ZNF610: variants seen among roughly 807,000 people sequenced by gnomAD.
ZNF610 encodes the protein zinc finger protein 610, also known as zink finger protein.
In ZNF610, 14 loss-of-function variants were observed where a neutral mutation model predicts 14.1. The observed-to-expected ratio is 0.99, with a 90% CI of 0.65 to 1.55. The LOEUF (loss-of-function observed/expected upper bound fraction) is 1.55. Ranked by LOEUF, ZNF610 falls within the 40% of genes most tolerant of loss-of-function variation. The pLI, the probability that ZNF610 is intolerant of heterozygous loss-of-function variation, is 0.00. For missense variants in ZNF610, 530 were observed against 558.0 expected (o/e 0.95, Z 0.51); for synonymous variants, 185 against 187.6 (o/e 0.99, Z 0.11).
At chr19:52,337,347 G>C (rs1011950082) in intron 1 of ZNF610, among the ~76,000 whole-genome samples, 4 of 152,126 alleles carry the variant, frequency 2.6e-5, no homozygotes, top group Admixed American at 6.5e-5. Context: ...GTGTAGCAGG[G>C]AAGAGGAAAT....
intron 1 of ZNF610, chr19:52,347,363 C>T (rs1195203421): frequency 2.0e-5 from 3 of 152,108 alleles, no homozygotes; most frequent in Admixed American, 1.3e-4. Context: ...TATTTTTGTA[C>T]AGCTATATAA....
intron 1 of ZNF610, among the ~76,000 whole-genome samples, chr19:52,341,884 C>T (rs1448383435): frequency 6.6e-6 from 1 of 152,210 alleles, no homozygotes; most frequent in Non-Finnish European, 1.5e-5. Context: ...AATCACAGCT[C>T]ACTGCAACCT....
chr19:52,350,282 C>A (rs1447005497), intron 3 of ZNF610, among the ~76,000 whole-genome samples: 2 of 152,250 alleles, frequency 1.3e-5, no homozygotes, highest in African/African-American at 4.8e-5. Flanking sequence ...GAAGCCTCCC[C>A]TGCCCTGCCC....
intron 1 of ZNF610, among the ~76,000 whole-genome samples, chr19:52,344,350 G>T (rs1426352353): frequency 6.6e-6 from 1 of 151,824 alleles, no homozygotes; most frequent in African/African-American, 2.4e-5. Context: ...TAACACTCCA[G>T]CCTGACCCCA....
chr19:52,357,506 G>A (rs547686268), intron 5 of ZNF610, among the ~76,000 whole-genome samples: 44 of 152,088 alleles, frequency 2.9e-4, no homozygotes, highest in African/African-American at 5.3e-4. Context: ...TTAGCCGGGT[G>A]TGGTTGCAGA....
intron 2 of ZNF610, among the ~76,000 whole-genome samples, chr19:52,348,876 G>C (rs1463274118): frequency 6.6e-6 from 1 of 152,142 alleles, no homozygotes; most frequent in East Asian, 1.9e-4. Context: ...GGTCACAGCT[G>C]TGTCTCTTCC....
chr19:52,335,490 G>T (rs1984333200), upstream of ZNF610, among the ~76,000 whole-genome samples: 1 of 152,112 alleles, frequency 6.6e-6, no homozygotes, highest in Non-Finnish European at 1.5e-5. Flanking sequence ...GCTTGGCGTT[G>T]TCCCTCGGAA....
chr19:52,366,622 T>C lies in ZNF610; in HGVS notation c.1244T>C (p.Leu415Pro). The C allele has an allele frequency of 6.2e-7, 1 of 1,614,202 alleles. No individual in the cohort carries two copies. Among genetic ancestry groups the C allele is most frequent in the South Asian group, 1.1e-5 (1 of 91,088 alleles). Residue 415 changes from leucine to proline, a missense_variant, in exon 6 of 6, where the codon CTA becomes CCA. Coordinates refer to ENST00000403906, the MANE Select transcript of ZNF610 (RefSeq NM_001161425.2). Reference sequence around the variant, plus strand: ...AAAGTCTTTGGGCGCAAATTATACCTAACCAACCATCAGAGAATTCATACT... The same window carrying C: ...AAAGTCTTTGGGCGCAAATTATACCCAACCAACCATCAGAGAATTCATACT... The part of the protein sequence containing the change: ...CDKVFGRKLY[L>P]TNHQRIHTGE...
intron 5 of ZNF610, among the ~76,000 whole-genome samples, chr19:52,363,992 C>G (rs191566930): frequency 6.6e-6 from 1 of 152,138 alleles, no homozygotes; most frequent in African/African-American, 2.4e-5. Flanking sequence ...TGATCCCCTT[C>G]TCATCTCCTC....
intron 1 of ZNF610, among the ~76,000 whole-genome samples, chr19:52,341,914 A>G (rs1355491194): frequency 6.6e-6 from 1 of 152,054 alleles, no homozygotes; most frequent in Non-Finnish European, 1.5e-5. Context: ...GGGCTCAAAC[A>G]ATTCTCCCAC....
At chr19:52,365,229 CTCCGTCTCAAAAA>C (rs1021211996) in intron 5 of ZNF610, among the ~76,000 whole-genome samples, 1 of 145,338 alleles carries the variant, frequency 6.9e-6, no homozygotes, top group Non-Finnish European at 1.5e-5. Flanking sequence ...CAGAGAGAGA[CTCCGTCTCAAAAA>C]AAAAAAAAAA....
intron 1 of ZNF610, among the ~76,000 whole-genome samples, chr19:52,343,564 CAA>C (rs34089619): frequency 4.0e-5 from 6 of 150,196 alleles, no homozygotes; most frequent in Middle Eastern, 3.4e-3. Context: ...GAGACTGTCT[CAA>C]AAAAAAAAAT....
intron 1 of ZNF610, 141 bp from the exon 2 acceptor site, chr19:52,347,566 G>T (rs1027839532): frequency 6.6e-6 from 1 of 152,202 alleles, no homozygotes; most frequent in Non-Finnish European, 1.5e-5. Flanking sequence ...GCCCAGGCCG[G>T]AATGCAGTGG....
At chr19:52,362,176 C>T (rs1026156520) in intron 5 of ZNF610, among the ~76,000 whole-genome samples, 5 of 152,108 alleles carry the variant, frequency 3.3e-5, no homozygotes, top group Non-Finnish European at 5.9e-5. Context: ...TTCGGGAGGC[C>T]GAGGCGGGTG....
intron 5 of ZNF610, among the ~76,000 whole-genome samples, chr19:52,358,208 G>A (rs779652013): frequency 1.8e-4 from 27 of 151,892 alleles, no homozygotes; most frequent in Non-Finnish European, 3.1e-4. Context: ...TTTTTGAGAC[G>A]GAGTCCCACT....
chr19:52,349,136 T>C lies in ZNF610; in HGVS notation c.-19-18T>C. On this transcript the variant is annotated intron_variant, in intron 2 of 5. Transcript: ENST00000403906. ...TGTGTTGATTCCGAGCAGTAATCAGTGTATTTTTGACATTTAGGATTGACT... is the reference window on the plus strand; with the variant it reads ...TGTGTTGATTCCGAGCAGTAATCAGCGTATTTTTGACATTTAGGATTGACT... 1 of 1,585,436 alleles carries C rather than the reference T, an allele frequency of 6.3e-7. No individual in the cohort carries two copies. The highest frequency in any genetic ancestry group is 8.7e-7 in the Non-Finnish European group (1 of 1,154,994).
rs1365840979 is a variant in ZNF610 at position 52,347,942 on chromosome 19, A to G, written c.-22A>G. ...ATTTCTAGTCCTGCAAGCGCCATTC[A>G]TGGTGAGTGCCCTAGACAGCTGTAC... On this transcript the variant is annotated splice_region_variant and 5_prime_UTR_variant, in exon 2 of 6. An upstream start codon of the reference 5' UTR is lost. Coordinates refer to ENST00000403906, the MANE Select transcript of ZNF610 (RefSeq NM_001161425.2). The G allele has an allele frequency of 1.3e-5, 2 of 152,208 alleles. No individual in the cohort carries two copies. Among genetic ancestry groups the G allele is most frequent in the African/African-American group, 2.4e-5 (1 of 41,458 alleles). 9.4% of individuals were successfully genotyped at this position (152,208 alleles called of 1,614,324 possible).
At chr19:52,332,014 C>T (rs917730022), upstream of ZNF610, among the ~76,000 whole-genome samples, 6 of 152,116 alleles carry the variant, frequency 3.9e-5, no homozygotes, top group Non-Finnish European at 5.9e-5. This position sits in a 1 kb window ranked among gnomAD's most constrained non-coding sequence, Gnocchi z 4.1. Flanking sequence ...AGGACATAAA[C>T]GAAGAAGGTC....
At chr19:52,357,094 C>T (rs1378819541) in intron 5 of ZNF610, among the ~76,000 whole-genome samples, 2 of 152,184 alleles carry the variant, frequency 1.3e-5, no homozygotes, top group Non-Finnish European at 2.9e-5. Flanking sequence ...CTGGAACTTT[C>T]GACCAACTGG....
Sources: gnomAD v4.1 joint callset for allele counts (sites outside exome capture counted in the v4.1 genomes callset) on GRCh38, gnomAD v4.1.1 for gene constraint, Gnocchi (gnomAD v3.1) non-coding constraint, MANE v1.5 for transcripts, NCBI Gene and HGNC (gene_info 2026-07-23, HGNC 2026-07-21) for gene names.